The following PIK3C2G variants were observed in gnomAD, a reference collection of about 807,000 sequenced individuals.
The protein encoded by PIK3C2G is phosphatidylinositol 3-kinase C2 domain-containing subunit gamma.
A neutral mutation model predicts 181.1 loss-of-function variants in PIK3C2G; 168 were observed. The ratio of observed to expected loss-of-function variants is 0.93; its 90% CI spans 0.82 to 1.05. PIK3C2G has a LOEUF of 1.05. Among genes scored for constraint, PIK3C2G ranks in the 50% least tolerant of loss-of-function variants. PIK3C2G has a pLI of 0.00. For synonymous variants in PIK3C2G, 573 were observed against 592.2 expected, an observed-to-expected ratio of 0.97 and a Z score of 0.47; for missense variants, 1,869 against 1,732.8, an observed-to-expected ratio of 1.08 and a Z score of -1.40.
At chr12:18,602,348 G>A (rs940597994) in intron 30 of PIK3C2G, among the ~76,000 whole-genome samples, 5 of 151,212 alleles carry the variant, frequency 3.3e-5, no homozygotes, top group African/African-American at 1.2e-4. Flanking sequence ...GGGACCTCAC[G>A]CCCACCCCCC....
upstream of PIK3C2G, among the ~76,000 whole-genome samples, chr12:18,245,199 T>C (rs1191856749): frequency 1.3e-5 from 2 of 152,122 alleles, no homozygotes; most frequent in African/African-American, 4.8e-5. Context: ...GTCTATTTTA[T>C]ATAATTCATG....
intron 18 of PIK3C2G, among the ~76,000 whole-genome samples, chr12:18,430,325 G>C (rs1023234609): frequency 2.6e-5 from 4 of 152,046 alleles, no homozygotes; most frequent in Non-Finnish European, 4.4e-5. Flanking sequence ...AAAACTGTCT[G>C]GTAGGAAACC....
At chr12:18,393,613 C>A (rs1943676856) in intron 15 of PIK3C2G, among the ~76,000 whole-genome samples, 1 of 151,968 alleles carries the variant, frequency 6.6e-6, no homozygotes, top group Non-Finnish European at 1.5e-5. Context: ...AATATATGTT[C>A]TAAAATAGAT....
chr12:18,485,151 T>C (rs974520885), intron 18 of PIK3C2G, among the ~76,000 whole-genome samples: 18 of 152,126 alleles, frequency 1.2e-4, no homozygotes, highest in African/African-American at 3.9e-4. Flanking sequence ...AAACTAAAAT[T>C]ACGGCCTGGA....
upstream of PIK3C2G, among the ~76,000 whole-genome samples, chr12:18,259,566 C>A (rs774761989): frequency 7.2e-5 from 11 of 151,820 alleles, 1 homozygote; most frequent in Middle Eastern, 3.4e-3. Flanking sequence ...GGGAAATAAG[C>A]CTATTTAGAA....
intron 17 of PIK3C2G, among the ~76,000 whole-genome samples, chr12:18,421,324 AATG>A (rs1451379512): frequency 2.0e-5 from 3 of 152,056 alleles, no homozygotes; most frequent in Non-Finnish European, 4.4e-5. Context: ...GTATATATAA[AATG>A]ATAAAAATTA....
At chr12:18,369,611 A>T (rs1941897798) in intron 12 of PIK3C2G, among the ~76,000 whole-genome samples, 1 of 73,224 alleles carries the variant, frequency 1.4e-5, no homozygotes, top group African/African-American at 6.1e-5. Flanking sequence ...TATAATTGAC[A>T]TATGATCATA....
chr12:18,542,916 T>A (rs906161274), intron 25 of PIK3C2G, among the ~76,000 whole-genome samples: 1 of 152,012 alleles, frequency 6.6e-6, no homozygotes, highest in Non-Finnish European at 1.5e-5. Context: ...CACAATGAGA[T>A]TGCTGTGTCT....
intron 14 of PIK3C2G, among the ~76,000 whole-genome samples, chr12:18,385,250 G>A (rs966943637): frequency 1.3e-5 from 2 of 152,278 alleles, no homozygotes; most frequent in South Asian, 2.1e-4. Flanking sequence ...GGTGGTTACT[G>A]CCACACTGCA....
At chr12:18,272,497 A>G (rs1027820946) in intron 1 of PIK3C2G, among the ~76,000 whole-genome samples, 2 of 152,186 alleles carry the variant, frequency 1.3e-5, no homozygotes. Flanking sequence ...TTGATAATGC[A>G]ATTTCATCAC....
the PIK3C2G span, chr12:18,687,984 G>T: frequency 2.7e-6 from 4 of 1,465,748 alleles, no homozygotes; most frequent in Non-Finnish European, 2.8e-6. Context: ...GAAAACCCTT[G>T]TCTTATGAAT....
At chr12:18,685,523 CTA>C in the PIK3C2G span, 1 of 297,640 alleles carries the variant, frequency 3.4e-6, no homozygotes, top group Admixed American at 3.4e-5. Context: ...TCTAATTATA[CTA>C]TATCTATGTT....
chr12:18,686,343 T>C, the PIK3C2G span, among the ~76,000 whole-genome samples: 1 of 152,070 alleles, frequency 6.6e-6, no homozygotes, highest in South Asian at 2.1e-4. Flanking sequence ...AAAAAGAAAG[T>C]TCCTGACACC....
intron 16 of PIK3C2G, among the ~76,000 whole-genome samples, chr12:18,402,420 T>A (rs1944296831): frequency 6.6e-6 from 1 of 152,046 alleles, no homozygotes; most frequent in African/African-American, 2.4e-5. Context: ...GAGGTTTCCT[T>A]TTGTGGTTAT....
chr12:18,516,152 C>T (rs1942524901), intron 24 of PIK3C2G, among the ~76,000 whole-genome samples: 1 of 151,914 alleles, frequency 6.6e-6, no homozygotes, highest in African/African-American at 2.4e-5. Context: ...TCATGTAAGA[C>T]AGATCCGGTG....
upstream of PIK3C2G, among the ~76,000 whole-genome samples, chr12:18,259,253 T>A (rs1328163554): frequency 1.3e-5 from 2 of 152,094 alleles, no homozygotes; most frequent in Non-Finnish European, 2.9e-5. Flanking sequence ...AAAAGTGAGA[T>A]CCTGCTTTAA....
At chr12:18,649,141 C>T (rs1950311669), downstream of PIK3C2G, among the ~76,000 whole-genome samples, 1 of 152,072 alleles carries the variant, frequency 6.6e-6, no homozygotes, top group Non-Finnish European at 1.5e-5. Flanking sequence ...GACGATTATA[C>T]ACCCTTCTGT....
At chr12:18,663,072 C>T in the PIK3C2G span, among the ~76,000 whole-genome samples, 3 of 152,028 alleles carry the variant, frequency 2.0e-5, no homozygotes, top group South Asian at 6.2e-4. Context: ...TGGAAAACTA[C>T]CTCAGCATAA....
chr12:18,265,450 T>C (rs1339297116), intron 1 of PIK3C2G, among the ~76,000 whole-genome samples: 1 of 152,162 alleles, frequency 6.6e-6, no homozygotes, highest in Non-Finnish European at 1.5e-5. Flanking sequence ...ATTGAGCTGG[T>C]TATAAAATTC....
Sources: gnomAD v4.1 joint callset for allele counts (sites outside exome capture counted in the v4.1 genomes callset) on GRCh38, gnomAD v4.1.1 for gene constraint, MANE v1.5 for transcripts, NCBI Gene and HGNC (gene_info 2026-07-23, HGNC 2026-07-21) for gene names.